The following PTPRK variants were observed in gnomAD, a reference collection of about 807,000 sequenced individuals.
PTPRK encodes the protein protein tyrosine phosphatase receptor type K.
Under a neutral mutation model 178.0 loss-of-function variants are expected in PTPRK, and 75 were observed. The ratio of observed to expected loss-of-function variants is 0.42; its 90% CI spans 0.35 to 0.51. The LOEUF is 0.51. PTPRK is among the 20% of genes least tolerant of loss of function. The pLI is 0.02. For missense variants in PTPRK, 1,441 were observed against 1,797.8 expected, an observed-to-expected ratio of 0.80 and a Z score of 3.59; for synonymous variants, 637 against 620.6, an observed-to-expected ratio of 1.03 and a Z score of -0.39.
chr6:128,497,047 A>T (rs1339600381), intron 1 of PTPRK, among the ~76,000 whole-genome samples: 1 of 152,202 alleles, frequency 6.6e-6, no homozygotes, highest in Non-Finnish European at 1.5e-5. Flanking sequence ...TCTAAGCCAA[A>T]ACCCTCCTAC....
At chr6:128,233,444 C>T (rs1235332058) in intron 5 of PTPRK, among the ~76,000 whole-genome samples, 2 of 152,210 alleles carry the variant, frequency 1.3e-5, no homozygotes, top group African/African-American at 4.8e-5. Flanking sequence ...GCTTTCACTG[C>T]CCCTTCACTG....
intron 3 of PTPRK, among the ~76,000 whole-genome samples, chr6:128,269,660 T>C (rs1313007458): frequency 1.3e-5 from 2 of 152,042 alleles, no homozygotes; most frequent in East Asian, 1.9e-4. Flanking sequence ...GGGCACTTAA[T>C]TGGGAGAATG....
intron 1 of PTPRK, among the ~76,000 whole-genome samples, chr6:128,495,896 T>C (rs958514028): frequency 8.5e-5 from 13 of 152,168 alleles, no homozygotes; most frequent in Admixed American, 6.5e-5. Context: ...TGCACCGCAT[T>C]CTCTCCAGTC....
intron 7 of PTPRK, among the ~76,000 whole-genome samples, chr6:128,109,203 C>T (rs1790230014): frequency 1.3e-5 from 2 of 152,004 alleles, no homozygotes; most frequent in African/African-American, 4.8e-5. Flanking sequence ...CTAAATGAGT[C>T]CTATGCTTGT....
intron 1 of PTPRK, among the ~76,000 whole-genome samples, chr6:128,438,976 T>G (rs1403536121): frequency 2.6e-5 from 4 of 152,140 alleles, no homozygotes; most frequent in Non-Finnish European, 5.9e-5. Context: ...GTATTCCAAT[T>G]AGAACTCCAA....
chr6:128,212,816 T>G (rs1808458388), intron 6 of PTPRK, among the ~76,000 whole-genome samples: 1 of 151,896 alleles, frequency 6.6e-6, no homozygotes, highest in South Asian at 2.1e-4. Flanking sequence ...CATTTTTATT[T>G]TAAAAACAAA....
At chr6:128,211,787 T>C (rs1162157932) in intron 6 of PTPRK, among the ~76,000 whole-genome samples, 2 of 152,094 alleles carry the variant, frequency 1.3e-5, no homozygotes, top group Non-Finnish European at 1.5e-5. Context: ...AACCCTGCTA[T>C]TAATGACTCT....
At position 128,273,867 on chromosome 6, in the gene PTPRK, TCAAA is replaced by T. The variant is rs201714875; in HGVS notation, c.496-31269_496-31266del. On this transcript the variant is annotated intron_variant, in intron 3 of 29. Transcript: ENST00000368226. The stretch of plus-strand genomic sequence containing the variant: ...ACATGCTTTCTCCTCACTATCAAAA[TCAAA>T]CAGTTAGTTGTTCAGCAAGCAAAAT... Among the ~76,000 whole-genome samples the T allele has an allele frequency of 6.3e-3, 962 of 152,264 alleles. 12 individuals are homozygous for T. Among genetic ancestry groups the T allele is most frequent in the African/African-American group, 0.022 (911 of 41,562 alleles).
At chr6:128,104,934 A>G (rs138907430) in intron 7 of PTPRK, among the ~76,000 whole-genome samples, 285 of 152,340 alleles carry the variant, frequency 1.9e-3, no homozygotes, top group African/African-American at 6.1e-3. Flanking sequence ...AGTCTTGGAC[A>G]GAAGAAAGTG....
rs9321119 is a variant in PTPRK, at chr6:128,456,826, G to T, written c.101-59138C>A. ...TTCATTGGCTTTTTACAGATAGAAA[G>T]AGAGAAGAGCATTCATTTATTCACT... On this transcript the variant is annotated intron_variant, in intron 1 of 29. Transcript: ENST00000368226. Among the ~76,000 whole-genome samples the T allele has an allele frequency of 0.054, 8,272 of 152,146 alleles. 1,090 individuals carry two copies. In the East Asian group the frequency reaches 0.58, roughly 11 times the overall value.
At chr6:128,145,343 A>G (rs1221818399) in intron 7 of PTPRK, among the ~76,000 whole-genome samples, 2 of 152,108 alleles carry the variant, frequency 1.3e-5, no homozygotes, top group East Asian at 3.8e-4. Context: ...GATTTATGGT[A>G]TAGATTGTGG....
chr6:127,988,582 T>C (rs540835383), intron 21 of PTPRK, among the ~76,000 whole-genome samples: 14 of 152,068 alleles, frequency 9.2e-5, no homozygotes, highest in Non-Finnish European at 1.6e-4. Flanking sequence ...CTTTGTGACC[T>C]AATTTTTGAG....
At chr6:128,239,949 A>C in intron 5 of PTPRK, 86 bp downstream of exon 5, 1 of 1,049,074 alleles carries the variant, frequency 9.5e-7, no homozygotes, top group Non-Finnish European at 1.4e-6. Flanking sequence ...ACACACACTC[A>C]AAAGGATGAG....
chr6:128,005,114 A>C lies in PTPRK; in HGVS notation c.2464T>G (p.Phe822Val). ...LHAEDPLSITFMDQHNFSPRY... is the reference protein window; with the variant it reads ...LHAEDPLSITVMDQHNFSPRY... ...GGACTAAAGTTATGTTGGTCCATGAAGGTGATGGAAAGAGGATCTTCTGCA... is the reference window on the plus strand; with the variant it reads ...GGACTAAAGTTATGTTGGTCCATGACGGTGATGGAAAGAGGATCTTCTGCA... Residue 822 changes from phenylalanine (F) to valine (V), a missense_variant, in exon 15 of 30, where the codon TTC (phenylalanine) becomes GTC (valine). Physicochemically the swap from Phe to Val is conservative, Grantham distance 50. Transcript: ENST00000368226. 6.2e-7 allele frequency: 1 copy of C among 1,610,174 alleles called. No homozygotes were observed. Among genetic ancestry groups the C allele is most frequent in the Non-Finnish European group, 8.5e-7 (1 of 1,177,620 alleles).
intron 15 of PTPRK, chr6:128,003,054 A>G (rs776296037): frequency 7.4e-5 from 53 of 720,358 alleles, no homozygotes; most frequent in Admixed American, 1.9e-4. Flanking sequence ...GGTTGAACAC[A>G]GTTGCTCTCT....
chr6:128,056,857 T>G (rs1779996347), intron 13 of PTPRK, among the ~76,000 whole-genome samples: 1 of 152,232 alleles, frequency 6.6e-6, no homozygotes, highest in Non-Finnish European at 1.5e-5. Flanking sequence ...TTTTTAGGAT[T>G]GTTCAGCAAA....
At chr6:128,508,564 T>TACAA in intron 1 of PTPRK, among the ~76,000 whole-genome samples, 1 of 152,260 alleles carries the variant, frequency 6.6e-6, no homozygotes, top group South Asian at 2.1e-4. Context: ...CTGGAGGAAA[T>TACAA]ACAAATACAG....
At chr6:128,177,268 C>A (rs1345340691) in intron 7 of PTPRK, among the ~76,000 whole-genome samples, 1 of 151,640 alleles carries the variant, frequency 6.6e-6, no homozygotes, top group Non-Finnish European at 1.5e-5. Flanking sequence ...TCATTTAAGA[C>A]ATTATAAATA....
chr6:128,021,533 G>A (rs1415780291), intron 13 of PTPRK, among the ~76,000 whole-genome samples: 1 of 152,160 alleles, frequency 6.6e-6, no homozygotes, highest in African/African-American at 2.4e-5. Context: ...CTACTCGGGA[G>A]GGAGGCTGAG....
Sources: allele counts gnomAD v4.1 joint callset (sites outside exome capture counted in the v4.1 genomes callset), GRCh38; gene constraint gnomAD v4.1.1; transcripts MANE v1.5; gene names NCBI Gene and HGNC (gene_info 2026-07-23, HGNC 2026-07-21).